Variants in SARAF observed in about 807,000 individuals in gnomAD.
The protein encoded by SARAF is store-operated calcium entry-associated regulatory factor.
In SARAF, 23 loss-of-function variants were observed where a neutral mutation model predicts 39.7. The observed-to-expected ratio is 0.58, with a 90% CI of 0.42 to 0.82. SARAF has a LOEUF of 0.82. Ranked by LOEUF, SARAF falls within the 40% of genes least tolerant of loss-of-function variation. The pLI is 0.00. For missense variants in SARAF, 384 were observed against 418.5 expected (o/e 0.92, Z 0.72); for synonymous variants, 175 against 168.5 (o/e 1.04, Z -0.30).
At chr8:30,081,964 T>A (rs1334817182) in intron 1 of SARAF, among the ~76,000 whole-genome samples, 1 of 152,156 alleles carries the variant, frequency 6.6e-6, no homozygotes, top group Non-Finnish European at 1.5e-5. Context: ...AAATTATTTT[T>A]TAAATTCTTC....
intron 1 of SARAF, chr8:30,082,550 C>A (rs957172368): frequency 3.1e-5 from 10 of 324,540 alleles, no homozygotes; most frequent in African/African-American, 1.9e-4. Context: ...CAGTTATACT[C>A]AGAGATGAGA....
chr8:30,080,302 G>C (rs368794008), intron 1 of SARAF, among the ~76,000 whole-genome samples: 1 of 151,906 alleles, frequency 6.6e-6, no homozygotes, highest in Admixed American at 6.6e-5. Flanking sequence ...TACCCTCTTC[G>C]GTCTGTTTTC....
rs1486953278 is a variant in SARAF at position 30,063,091 on chromosome 8, A to T, written c.*797T>A. ...CGCCTAGGCTAATAGAAAGAATGAG[A>T]CTAAACCCCTTGTTTGTTTTTATTG... On this transcript the variant is annotated 3_prime_UTR_variant, in exon 6 of 6. Coordinates refer to ENST00000256255, the MANE Select transcript of SARAF (RefSeq NM_016127.6). 6.6e-6 allele frequency: 1 copy of T among 152,248 alleles called. No individual in the cohort carries two copies. The highest frequency in any genetic ancestry group is 1.5e-5 in the Non-Finnish European group (1 of 68,046). The allele number at this position is 152,248 out of a possible 1,614,324, so 9.4% of individuals were successfully genotyped here. A position where few individuals can be genotyped will look rare whatever the true frequency, so the allele number is the denominator to read the frequency against.
chr8:30,082,769 A>T, intron 1 of SARAF, 78 bp downstream of exon 1: 2 of 1,213,652 alleles, frequency 1.6e-6, no homozygotes, highest in Non-Finnish European at 2.2e-6. Context: ...CGGCGCACGG[A>T]AACGCAGGGG....
Position 30,069,802 on chromosome 8 carries a change from C to CA in SARAF, c.539dup (p.Val181GlyfsTer11). ...CTACAAACGCGATCCCAAGGAGTACCACAATGGTAATCAATCCACTCATGT... is the reference window on the plus strand; with the variant it reads ...CTACAAACGCGATCCCAAGGAGTACCAACAATGGTAATCAATCCACTCATGT... On this transcript the variant is annotated frameshift_variant, in exon 3 of 6. Coordinates refer to ENST00000256255, the MANE Select transcript of SARAF (RefSeq NM_016127.6). LOFTEE classifies it high-confidence loss of function. 6.2e-7 allele frequency: 1 copy of CA among 1,614,108 alleles called. No homozygotes were observed. Among genetic ancestry groups the CA allele is most frequent in the Non-Finnish European group, 8.5e-7 (1 of 1,180,018 alleles).
intron 5 of SARAF, among the ~76,000 whole-genome samples, chr8:30,064,551 ATATATATATATT>A (rs1196286286): frequency 2.2e-5 from 1 of 46,130 alleles, no homozygotes; most frequent in East Asian, 7.3e-4. Context: ...ATATATATAT[ATATATATATATT>A]TTTTTTTTTT....
At position 30,063,642 on chromosome 8, in the gene SARAF, T is replaced by C. The variant is rs548599546; in HGVS notation, c.*246A>G. On this transcript the variant is annotated 3_prime_UTR_variant, in exon 6 of 6. Transcript: ENST00000256255. The stretch of plus-strand genomic sequence containing the variant: ...ATGTATTTTTAGCATTCCACAGTAA[T>C]GATCACTTTCAAAAACTGCAATATA... 9.3e-6 allele frequency: 5 copies of C among 540,286 alleles called. No individual in the cohort carries two copies. Among genetic ancestry groups the C allele is most frequent in the African/African-American group, 3.8e-5 (2 of 52,044 alleles). 33.5% of individuals were successfully genotyped at this position (540,286 alleles called of 1,614,324 possible).
At chr8:30,073,529 C>T (rs1305676318) in intron 2 of SARAF, among the ~76,000 whole-genome samples, 8 of 152,162 alleles carry the variant, frequency 5.3e-5, no homozygotes, top group Admixed American at 5.2e-4. Flanking sequence ...ATTATCTTAA[C>T]TTTGTCTTAA....
intron 5 of SARAF, chr8:30,065,592 A>C (rs1563350532): frequency 4.9e-6 from 1 of 202,092 alleles, no homozygotes; most frequent in Non-Finnish European, 1.0e-5. Context: ...TGAGCATTCC[A>C]ATAAACATTA....
At position 30,063,901 on chromosome 8, in the gene SARAF, G is replaced by C. The variant is rs776653005; in HGVS notation, c.1007C>G (p.Thr336Ser). ...CAACTTTCTACTTTATCGTCTCCTGGTACCACCATATCCTAGAATGAGAGG... is the reference window on the plus strand; with the variant it reads ...CAACTTTCTACTTTATCGTCTCCTGCTACCACCATATCCTAGAATGAGAGG... Reference protein sequence around the residue: ...KTRTASGYGGTRRR With the variant: ...KTRTASGYGGSRRR Residue 336 changes from threonine to serine, a missense_variant, in exon 6 of 6, where the codon ACC (threonine) becomes AGC (serine). Thr to Ser is a moderately conservative substitution (Grantham distance 58, BLOSUM62 1). Transcript: ENST00000256255. 1 of 1,612,418 alleles carries C rather than the reference G, an allele frequency of 6.2e-7. No homozygotes were observed. The highest frequency in any genetic ancestry group is 1.1e-5 in the South Asian group (1 of 90,730).
intron 1 of SARAF, among the ~76,000 whole-genome samples, chr8:30,080,060 C>CCTGATAA: frequency 2.6e-5 from 4 of 152,144 alleles, no homozygotes; most frequent in African/African-American, 9.7e-5. Flanking sequence ...TCTAGTTGCT[C>CCTGATAA]AAGCCAAAAA....
rs776252628 is a variant in SARAF at position 30,073,883 on chromosome 8, A to C, written c.276T>G (p.Asp92Glu). The change falls in exon 2 of 6, where the codon GAT becomes GAG. Residue 92 changes from aspartate to glutamate, a missense_variant. Physicochemically the swap from Asp to Glu is conservative, Grantham distance 45. Coordinates refer to ENST00000256255, the MANE Select transcript of SARAF (RefSeq NM_016127.6). Reference protein sequence around the residue: ...QCQNKGWDGYDVQWECKTDLD... With the variant: ...QCQNKGWDGYEVQWECKTDLD... Reference sequence around the variant, plus strand: ...TTACTGTAGTGGATATTACCTGTACATCATACCCATCCCAGCCTTTGTTCT... The same window carrying C: ...TTACTGTAGTGGATATTACCTGTACCTCATACCCATCCCAGCCTTTGTTCT... 2 of 1,614,010 alleles carry C rather than the reference A, an allele frequency of 1.2e-6. No homozygotes were observed. The highest frequency in any genetic ancestry group is 2.2e-5 in the South Asian group (2 of 91,086).
In SARAF at chr8:30,063,655, A is replaced by G; in HGVS notation, c.*233T>C. 3 of 544,928 alleles carry G rather than the reference A, an allele frequency of 5.5e-6. No homozygotes were observed. The highest frequency in any genetic ancestry group is 2.5e-5 in the South Asian group (1 of 40,174). 33.8% of individuals were successfully genotyped at this position (544,928 alleles called of 1,614,324 possible). On this transcript the variant is annotated 3_prime_UTR_variant, in exon 6 of 6. Transcript: ENST00000256255. ...ATTCCACAGTAATGATCACTTTCAA[A>G]AACTGCAATATACATCTGCATGTTA...
chr8:30,082,789 C>A, intron 1 of SARAF, 58 bp downstream of exon 1: 24 of 1,365,458 alleles, frequency 1.8e-5, no homozygotes, highest in Non-Finnish European at 2.3e-5. Context: ...GAGCCTGCAC[C>A]GGCTGACGGC....
intron 3 of SARAF, among the ~76,000 whole-genome samples, chr8:30,067,548 T>G (rs187142138): frequency 6.6e-6 from 1 of 152,348 alleles, no homozygotes; most frequent in African/African-American, 2.4e-5. Context: ...TCCTAATAGA[T>G]TCCCATCTAT....
At chr8:30,075,703 G>A (rs75096032) in intron 1 of SARAF, among the ~76,000 whole-genome samples, 3 of 152,024 alleles carry the variant, frequency 2.0e-5, no homozygotes, top group African/African-American at 7.3e-5. Context: ...AATAGGCATC[G>A]CTTTCTACCA....
At chr8:30,079,304 T>C (rs1201178600) in intron 1 of SARAF, among the ~76,000 whole-genome samples, 1 of 152,098 alleles carries the variant, frequency 6.6e-6, no homozygotes, top group Non-Finnish European at 1.5e-5. Flanking sequence ...TTTAATTTAG[T>C]GGATAAAAGA....
Position 30,063,619 on chromosome 8 carries a change from G to GT in SARAF, c.*268dup. The stretch of plus-strand genomic sequence containing the variant: ...GGCATCACAGGTTTTAGAAATTAAT[G>GT]TATTTTTAGCATTCCACAGTAATGA... On this transcript the variant is annotated 3_prime_UTR_variant, in exon 6 of 6. Coordinates refer to ENST00000256255, the MANE Select transcript of SARAF (RefSeq NM_016127.6). The GT allele has an allele frequency of 2.1e-6, 1 of 484,284 alleles. No individual in the cohort carries two copies. The highest frequency in any genetic ancestry group is 2.9e-5 in the South Asian group (1 of 34,646). The allele number at this position is 484,284 out of a possible 1,614,324, so 30.0% of individuals were successfully genotyped here.
intron 2 of SARAF, among the ~76,000 whole-genome samples, chr8:30,070,613 A>C (rs1425844719): frequency 6.6e-6 from 1 of 152,220 alleles, no homozygotes; most frequent in East Asian, 1.9e-4. Context: ...TATTCTTTAC[A>C]TATACATGTT....
Sources: gnomAD v4.1 joint callset for allele counts (sites outside exome capture counted in the v4.1 genomes callset) on GRCh38, gnomAD v4.1.1 for gene constraint, MANE v1.5 for transcripts, NCBI Gene and HGNC (gene_info 2026-07-23, HGNC 2026-07-21) for gene names.